Variants in MRO observed in about 807,000 individuals in gnomAD.
MRO encodes maestro, also known as protein maestro.
A neutral mutation model predicts 31.0 loss-of-function variants in MRO; 28 were observed. The ratio of observed to expected loss-of-function variants is 0.90; its 90% CI spans 0.67 to 1.24. The LOEUF (loss-of-function observed/expected upper bound fraction) is 1.24, where lower values mean the gene tolerates loss of function less well. Among genes scored for constraint, MRO ranks in the 50% most tolerant of loss-of-function variants. The probability of loss-of-function intolerance (pLI) is 0.00; values close to 1 mark genes in which losing one functional copy is unlikely to be tolerated. For missense variants in MRO, 332 were observed against 289.2 expected, an observed-to-expected ratio of 1.15 and a Z score of -1.07; for synonymous variants, 108 against 108.4, an observed-to-expected ratio of 1.00 and a Z score of 0.02.
chr18:50,819,982 A>C lies in MRO; in HGVS notation c.-212T>G. 1.3e-6 allele frequency: 2 copies of C among 1,550,390 alleles called. No individual in the cohort carries two copies. The highest frequency in any genetic ancestry group is 1.7e-6 in the Non-Finnish European group (2 of 1,146,338). On this transcript the variant is annotated 5_prime_UTR_variant, in exon 1 of 8. Transcript: ENST00000398439. ...TTCTTCCCTCATGCCAGCCTGGTCG[A>C]CACTTTCTGCAGAAATTCTGCAGAT...
rs1057234296 is a variant in MRO at position 50,795,820 on chromosome 18, A to C, written c.*3517T>G. ...CCAGCCATGGTGGCAGGCACCTGTA[A>C]TCCCAGCTACTCAGGAGGCTGAGAC... On this transcript the variant is annotated 3_prime_UTR_variant, in exon 8 of 8. Coordinates refer to ENST00000398439, the MANE Select transcript of MRO (RefSeq NM_031939.6). 6.6e-6 allele frequency: 1 copy of C among 152,330 alleles called. No individual in the cohort carries two copies. The highest frequency in any genetic ancestry group is 1.5e-5 in the Non-Finnish European group (1 of 68,214). 9.4% of individuals were successfully genotyped at this position (152,330 alleles called of 1,614,324 possible). A position where few individuals can be genotyped will look rare whatever the true frequency, so the allele number is the denominator to read the frequency against.
intron 5 of MRO, among the ~76,000 whole-genome samples, chr18:50,804,845 G>T (rs1393389897): frequency 1.3e-5 from 2 of 151,470 alleles, no homozygotes; most frequent in African/African-American, 4.8e-5. Flanking sequence ...AGGCTGGAGT[G>T]CAGTGGCGTG....
chr18:50,800,741 C>G (rs1185589740), intron 6 of MRO, among the ~76,000 whole-genome samples: 1 of 151,916 alleles, frequency 6.6e-6, no homozygotes, highest in Non-Finnish European at 1.5e-5. Context: ...AAAAAATTAG[C>G]AGGGCGTGGT....
chr18:50,801,988 G>C (rs181615620), intron 5 of MRO, among the ~76,000 whole-genome samples: 37 of 152,280 alleles, frequency 2.4e-4, no homozygotes, highest in Non-Finnish European at 2.9e-4. Flanking sequence ...AAAGAAGAAA[G>C]ATGTATATCA....
intron 4 of MRO, 97 bp from the exon 5 acceptor site, chr18:50,805,433 G>T: frequency 1.1e-6 from 1 of 907,236 alleles, no homozygotes; most frequent in Non-Finnish European, 1.7e-6. Context: ...CCTAGGACTT[G>T]AACTAACACA....
chr18:50,810,650 C>T (rs1309947627), intron 2 of MRO, among the ~76,000 whole-genome samples: 1 of 152,104 alleles, frequency 6.6e-6, no homozygotes, highest in Non-Finnish European at 1.5e-5. Flanking sequence ...TGTAGCTTAC[C>T]AAGTGATTCT....
At position 50,796,467 on chromosome 18, in the gene MRO, C is replaced by G. The variant is rs1912803273; in HGVS notation, c.*2870G>C. The G allele has an allele frequency of 6.6e-6, 1 of 151,706 alleles. No homozygotes were observed. Among genetic ancestry groups the G allele is most frequent in the Non-Finnish European group, 1.5e-5 (1 of 67,962 alleles). 9.4% of individuals were successfully genotyped at this position (151,706 alleles called of 1,614,324 possible). A position where few individuals can be genotyped will look rare whatever the true frequency, so the allele number is the denominator to read the frequency against. ...ATAAGATATAAGTGGTATAATATTG[C>G]TAGAATGTTCTGGGAATTCAGAGAC... On this transcript the variant is annotated 3_prime_UTR_variant, in exon 8 of 8. Transcript: ENST00000398439.
chr18:50,801,541 A>T (rs1913321107), intron 5 of MRO, 37 bp from the exon 6 acceptor site: 1 of 1,553,546 alleles, frequency 6.4e-7, no homozygotes, highest in Non-Finnish European at 8.7e-7. Flanking sequence ...AGAAAGCCAG[A>T]TCATTACCAA....
At chr18:50,812,733 T>C (rs1914573800) in intron 2 of MRO, among the ~76,000 whole-genome samples, 1 of 152,218 alleles carries the variant, frequency 6.6e-6, no homozygotes, top group Non-Finnish European at 1.5e-5. Flanking sequence ...CATTGACTTG[T>C]ATGTGTTTTG....
chr18:50,797,575 T>G lies in MRO; in HGVS notation c.*1762A>C, dbSNP rs1188890491. The stretch of plus-strand genomic sequence containing the variant: ...ACAATTTTAACCGACAGAGGGACAT[T>G]AACTGCATAGGTTTTTCTACTCCAG... On this transcript the variant is annotated 3_prime_UTR_variant, in exon 8 of 8. Coordinates refer to ENST00000398439, the MANE Select transcript of MRO (RefSeq NM_031939.6). 1.3e-5 allele frequency: 2 copies of G among 152,192 alleles called. No individual in the cohort carries two copies. Among genetic ancestry groups the G allele is most frequent in the East Asian group, 3.8e-4 (2 of 5,202 alleles). The allele number at this position is 152,192 out of a possible 1,614,324, so 9.4% of individuals were successfully genotyped here.
At chr18:50,800,398 T>A (rs559007908) in intron 6 of MRO, among the ~76,000 whole-genome samples, 1 of 152,196 alleles carries the variant, frequency 6.6e-6, no homozygotes, top group Non-Finnish European at 1.5e-5. Context: ...CCATCAAAAG[T>A]AGTACTGGAT....
At chr18:50,816,562 A>C (rs1914944523) in intron 2 of MRO, among the ~76,000 whole-genome samples, 1 of 152,230 alleles carries the variant, frequency 6.6e-6, no homozygotes, top group African/African-American at 2.4e-5. Context: ...AAATTTTGCT[A>C]ACGTTAGCTG....
chr18:50,818,472 G>A (rs2849239), intron 2 of MRO, among the ~76,000 whole-genome samples: 25,231 of 152,138 alleles, frequency 0.17, 2,323 homozygotes, highest in Non-Finnish European at 0.21. Flanking sequence ...TGGGGCTTGT[G>A]TTCATTGCCA....
In MRO at chr18:50,799,272, A is replaced by AAAAC. The variant is rs1913049245; in HGVS notation, c.*61_*64dup. Reference sequence around the variant, plus strand: ...AGTGAGAAGAGGCATCCAGTGAGATAAAACAGGGGAACATGATGGCTCAGC... The same window carrying AAAAC: ...AGTGAGAAGAGGCATCCAGTGAGATAAAACAAACAGGGGAACATGATGGCTCAGC... On this transcript the variant is annotated 3_prime_UTR_variant, in exon 8 of 8. Coordinates refer to ENST00000398439, the MANE Select transcript of MRO (RefSeq NM_031939.6). 2 of 1,399,732 alleles carry AAAAC rather than the reference A, an allele frequency of 1.4e-6. No homozygotes were observed. Among genetic ancestry groups the AAAAC allele is most frequent in the African/African-American group, 2.8e-5 (2 of 70,588 alleles). 86.7% of individuals were successfully genotyped at this position (1,399,732 alleles called of 1,614,324 possible).
At chr18:50,799,891 A>G (rs910211441) in intron 7 of MRO, 145 bp downstream of exon 7, 6 of 601,006 alleles carry the variant, frequency 1.0e-5, no homozygotes, top group African/African-American at 9.4e-5. Flanking sequence ...CTCTTCTCAG[A>G]AAAAAAGAAA....
upstream of MRO, among the ~76,000 whole-genome samples, chr18:50,820,505 T>C (rs776301735): frequency 3.3e-5 from 5 of 152,160 alleles, no homozygotes; most frequent in African/African-American, 9.6e-5. Context: ...GGAGAAAATA[T>C]GTCCTGAAAG....
rs2144681323 is a variant in MRO at position 50,819,684 on chromosome 18, T to G, written c.-108A>C. The G allele has an allele frequency of 6.4e-7, 1 of 1,550,922 alleles. No homozygotes were observed. Among genetic ancestry groups the G allele is most frequent in the East Asian group, 2.4e-5 (1 of 40,914 alleles). On this transcript the variant is annotated 5_prime_UTR_variant, in exon 2 of 8. Transcript: ENST00000398439. ...AGCCAAATGTGATGACTCGGCTAAA[T>G]TTTCCCAGCCCTGAATTCCTAACAT...
rs1314907699 is a variant in MRO at position 50,796,981 on chromosome 18, G to A, written c.*2356C>T. 1 of 152,160 alleles carries A rather than the reference G, an allele frequency of 6.6e-6. No homozygotes were observed. Among genetic ancestry groups the A allele is most frequent in the Non-Finnish European group, 1.5e-5 (1 of 68,034 alleles). The allele number at this position is 152,160 out of a possible 1,614,324, so 9.4% of individuals were successfully genotyped here. A position where few individuals can be genotyped will look rare whatever the true frequency, so the allele number is the denominator to read the frequency against. On this transcript the variant is annotated 3_prime_UTR_variant, in exon 8 of 8. Transcript: ENST00000398439. ...TAAACTCAAAGAGGACTTATGAAGAGCAAAACAAAATTAGCCAAGACAACA... is the reference window on the plus strand; with the variant it reads ...TAAACTCAAAGAGGACTTATGAAGAACAAAACAAAATTAGCCAAGACAACA...
chr18:50,806,519 C>T (rs1468101556), intron 4 of MRO, among the ~76,000 whole-genome samples, 185 bp downstream of exon 4: 2 of 152,160 alleles, frequency 1.3e-5, no homozygotes, highest in East Asian at 3.8e-4. Context: ...TGCACCTGGA[C>T]TCCTGACCCG....
Sources: allele counts gnomAD v4.1 joint callset (sites outside exome capture counted in the v4.1 genomes callset), GRCh38; gene constraint gnomAD v4.1.1; transcripts MANE v1.5; gene names NCBI Gene and HGNC (gene_info 2026-07-23, HGNC 2026-07-21).